TJAP1: variants seen among roughly 807,000 people sequenced by gnomAD.
TJAP1 encodes the protein tight junction associated protein 1.
In TJAP1, 27 loss-of-function variants were observed where a neutral mutation model predicts 42.0. That is an observed-to-expected ratio of 0.64 (90% confidence interval 0.47 to 0.89). The LOEUF (loss-of-function observed/expected upper bound fraction) is 0.89, where lower values mean the gene tolerates loss of function less well. TJAP1 is among the 40% of genes least tolerant of loss of function. The probability of loss-of-function intolerance (pLI) is 0.00; values close to 1 mark genes in which losing one functional copy is unlikely to be tolerated. For synonymous variants in TJAP1, 257 were observed against 288.4 expected (o/e 0.89, Z 1.10); for missense variants, 712 against 726.9 (o/e 0.98, Z 0.24).
chr6:43,490,726 C>G (rs973861106), intron 2 of TJAP1, among the ~76,000 whole-genome samples: 1 of 152,216 alleles, frequency 6.6e-6, no homozygotes, highest in East Asian at 1.9e-4. Context: ...TTGTCCCCCC[C>G]ACCTCTTTTC....
At chr6:43,493,445 G>C (rs1788269891) in intron 2 of TJAP1, among the ~76,000 whole-genome samples, 1 of 152,206 alleles carries the variant, frequency 6.6e-6, no homozygotes. Flanking sequence ...TGTGGAGTGA[G>C]GTAGTAGTGC....
chr6:43,495,016 C>T lies in TJAP1; in HGVS notation c.-121-2865C>T, dbSNP rs145432932. ...ATCATGGGCCATGGCCCATTCTGAGCTGTCCAGCTGCTCTCCTTAGGGACC... is the reference window on the plus strand; with the variant it reads ...ATCATGGGCCATGGCCCATTCTGAGTTGTCCAGCTGCTCTCCTTAGGGACC... On this transcript the variant is annotated intron_variant, in intron 2 of 10. Transcript: ENST00000372449. The surrounding 1 kb of genome is among the most constrained non-coding windows in gnomAD (Gnocchi z 4.6). Among the ~76,000 whole-genome samples the T allele has an allele frequency of 1.4e-3, 219 of 152,376 alleles. No homozygotes were observed. The highest frequency in any genetic ancestry group is 2.2e-3 in the Non-Finnish European group (152 of 68,038).
chr6:43,492,318 A>G lies in TJAP1; in HGVS notation c.-121-5563A>G, dbSNP rs1167509376. On this transcript the variant is annotated intron_variant, in intron 2 of 10. Coordinates refer to ENST00000372449, the Ensembl canonical transcript of TJAP1. The surrounding 1 kb of genome is among the most constrained non-coding windows in gnomAD (Gnocchi z 4.2). Reference sequence around the variant, plus strand: ...GGGGGCCAGGTCAGGGCTGCAGGCAACTTGTCCCAAGAGGGTGAGGTTGTA... The same window carrying G: ...GGGGGCCAGGTCAGGGCTGCAGGCAGCTTGTCCCAAGAGGGTGAGGTTGTA... 6.6e-6 allele frequency among the ~76,000 whole-genome samples: 1 copy of G among 152,066 alleles called. No individual in the cohort carries two copies. The highest frequency in any genetic ancestry group is 1.5e-5 in the Non-Finnish European group (1 of 68,020).
chr6:43,503,943 G>T, intron 10 of TJAP1: 1 of 695,988 alleles, frequency 1.4e-6, no homozygotes, highest in Non-Finnish European at 2.7e-6. Flanking sequence ...CAGAGACAGA[G>T]AGAGAAGATC....
chr6:43,502,221 T>C, intron 6 of TJAP1, 62 bp from the exon 7 acceptor site: 31 of 1,576,940 alleles, frequency 2.0e-5, no homozygotes, highest in African/African-American at 5.4e-5. Context: ...TCGGGGAGGC[T>C]GAACAGAGCC....
At position 43,505,133 on chromosome 6, in the gene TJAP1, A is replaced by G. The variant is rs1582143038; in HGVS notation, c.952A>G (p.Thr318Ala). The G allele has an allele frequency of 1.2e-6, 2 of 1,613,672 alleles. No individual in the cohort carries two copies. The highest frequency in any genetic ancestry group is 1.7e-6 in the Non-Finnish European group (2 of 1,179,922). Residue 318 changes from threonine (T) to alanine (A), a missense_variant, in exon 11 of 11, where the codon ACC becomes GCC. This residue lies in a region of TJAP1 where 549 missense variants were observed against 528.2 expected (regional missense o/e 1.04). Coordinates refer to ENST00000372449, the Ensembl canonical transcript of TJAP1. The surrounding 1 kb of genome is among the most constrained non-coding windows in gnomAD (Gnocchi z 5.5). ...CTTTGAGAAGCTGAACCCCTACCCA[A>G]CCCCGTCTCCACCACACCCACTGTA...
At chr6:43,490,850 C>CTCAGA (rs1447143312) in intron 2 of TJAP1, among the ~76,000 whole-genome samples, 1 of 152,192 alleles carries the variant, frequency 6.6e-6, no homozygotes, top group Non-Finnish European at 1.5e-5. Flanking sequence ...AAGTCCTGGC[C>CTCAGA]TCAGACTGGG....
intron 2 of TJAP1, among the ~76,000 whole-genome samples, chr6:43,494,610 G>A (rs1406663462): frequency 6.6e-6 from 1 of 151,202 alleles, no homozygotes; most frequent in Non-Finnish European, 1.5e-5. Flanking sequence ...GTTTAGTTTG[G>A]GGTGGGGGTG....
rs1364152546 is a variant in TJAP1, at chr6:43,491,265, C to A, written c.-121-6616C>A. Among the ~76,000 whole-genome samples the A allele has an allele frequency of 2.0e-5, 3 of 151,934 alleles. No homozygotes were observed. The highest frequency in any genetic ancestry group is 4.4e-5 in the Non-Finnish European group (3 of 67,972). On this transcript the variant is annotated intron_variant, in intron 2 of 10. Coordinates refer to ENST00000372449, the Ensembl canonical transcript of TJAP1. This position sits in a 1 kb window ranked among gnomAD's most constrained non-coding sequence, Gnocchi z 4.6. ...GAGACCAAAGTTGGTGGGGGATATC[C>A]ATGTTGACCAGAAATATCTGTTTGT...
At chr6:43,485,196 C>T (rs1786190197) in intron 2 of TJAP1, among the ~76,000 whole-genome samples, 1 of 152,154 alleles carries the variant, frequency 6.6e-6, no homozygotes, top group East Asian at 1.9e-4. Context: ...TCCATGTTTC[C>T]CCATATTTTA....
intron 4 of TJAP1, chr6:43,500,534 C>T: frequency 1.7e-6 from 1 of 585,470 alleles, no homozygotes; most frequent in Non-Finnish European, 3.1e-6. Flanking sequence ...GGAAGAGGTT[C>T]TTGAATCTTC....
chr6:43,498,996 C>A, exon 4 of TJAP1: 2 of 1,613,624 alleles, frequency 1.2e-6, no homozygotes, highest in Non-Finnish European at 1.7e-6. Flanking sequence ...GCCGTCACCT[C>A]CCAGAATGAC....
chr6:43,502,448 G>C, intron 7 of TJAP1, 99 bp downstream of exon 7: 1 of 1,510,828 alleles, frequency 6.6e-7, no homozygotes, highest in Non-Finnish European at 9.0e-7. Context: ...TGGGGCTTGA[G>C]GGAGATGGTG....
Position 43,505,811 on chromosome 6 carries a change from G to A in TJAP1, c.1630G>A (p.Asp544Asn), listed in dbSNP as rs764596558. 2.0e-6 allele frequency: 3 copies of A among 1,498,000 alleles called. No homozygotes were observed. The allele number at this position is 1,498,000 out of a possible 1,614,324, so 92.8% of individuals were successfully genotyped here. ...GGGGGTTCACCACCTGCACCGCAAGGACAGCCTGACCCAGGCCCAGGAGCA... is the reference window on the plus strand; with the variant it reads ...GGGGGTTCACCACCTGCACCGCAAGAACAGCCTGACCCAGGCCCAGGAGCA... The change falls in exon 11 of 11, where the codon GAC becomes AAC. Residue 544 changes from aspartate (D) to asparagine (N), a missense_variant. Transcript: ENST00000372449. This position sits in a 1 kb window ranked among gnomAD's most constrained non-coding sequence, Gnocchi z 5.5.
chr6:43,482,134 C>T (rs909557535), intron 2 of TJAP1, among the ~76,000 whole-genome samples: 2 of 152,288 alleles, frequency 1.3e-5, no homozygotes, highest in South Asian at 2.1e-4. Context: ...TGGCAGTCAG[C>T]GTGCTGAAAC....
intron 2 of TJAP1, among the ~76,000 whole-genome samples, chr6:43,480,524 C>T (rs1785091975): frequency 6.8e-6 from 1 of 147,890 alleles, no homozygotes; most frequent in South Asian, 2.1e-4. Context: ...TAATTTTTGA[C>T]TTTTTTTTTT....
At chr6:43,481,980 T>C (rs1316659202) in intron 2 of TJAP1, among the ~76,000 whole-genome samples, 1 of 152,232 alleles carries the variant, frequency 6.6e-6, no homozygotes, top group Non-Finnish European at 1.5e-5. Context: ...CTGGGAACTC[T>C]GCACTGGCCC....
exon 11 of TJAP1, chr6:43,504,935 G>T: frequency 6.2e-7 from 1 of 1,614,160 alleles, no homozygotes; most frequent in Non-Finnish European, 8.5e-7. Flanking sequence ...GTCAGGCAGC[G>T]CCGGGCGCCC....
At chr6:43,482,364 CCAT>C (rs1203510948) in intron 2 of TJAP1, among the ~76,000 whole-genome samples, 3 of 152,192 alleles carry the variant, frequency 2.0e-5, no homozygotes, top group African/African-American at 7.2e-5. Flanking sequence ...CTTCTCACCA[CCAT>C]ATTTTGAATG....
Sources: allele counts gnomAD v4.1 joint callset (sites outside exome capture counted in the v4.1 genomes callset), GRCh38; gene constraint gnomAD v4.1.1; regional missense constraint gnomAD v4.1.1; non-coding constraint Gnocchi (gnomAD v3.1); transcripts MANE v1.5; gene names NCBI Gene and HGNC (gene_info 2026-07-23, HGNC 2026-07-21).